C1orf21: variants seen among roughly 807,000 people sequenced by gnomAD.
C1orf21 encodes chromosome 1 open reading frame 21, also known as uncharacterized protein C1orf21.
C1orf21 carries 3 observed loss-of-function variants against 18.7 expected under a neutral mutation model. The observed-to-expected ratio is 0.16, with a 90% CI of 0.07 to 0.42. The LOEUF is 0.42. Ranked by LOEUF, C1orf21 falls within the 10% of genes least tolerant of loss-of-function variation. C1orf21 has a pLI of 0.99. For missense variants in C1orf21, 104 were observed against 143.6 expected, an observed-to-expected ratio of 0.72 and a Z score of 1.41; for synonymous variants, 41 against 46.4, an observed-to-expected ratio of 0.88 and a Z score of 0.47.
chr1:184,459,302 A>C (rs1657267094), intron 1 of C1orf21, among the ~76,000 whole-genome samples: 1 of 152,228 alleles, frequency 6.6e-6, no homozygotes, highest in South Asian at 2.1e-4. Flanking sequence ...GAGAGGGTGA[A>C]GGGTAAGTCG....
intron 3 of C1orf21, among the ~76,000 whole-genome samples, chr1:184,517,074 T>G (rs1447716088): frequency 6.6e-6 from 1 of 152,216 alleles, no homozygotes; most frequent in Non-Finnish European, 1.5e-5. Context: ...TGCAATTCCA[T>G]TCATTCACTG....
intron 4 of C1orf21, among the ~76,000 whole-genome samples, chr1:184,594,873 A>G (rs1659491857): frequency 6.6e-6 from 1 of 152,178 alleles, no homozygotes; most frequent in Non-Finnish European, 1.5e-5. Flanking sequence ...TATCATTTGC[A>G]GATTTTATTT....
intron 3 of C1orf21, chr1:184,566,667 AC>A (rs1659039669): frequency 2.5e-6 from 1 of 396,738 alleles, no homozygotes; most frequent in Non-Finnish European, 5.0e-6. Context: ...GGGAAATTTC[AC>A]CCATGTGGTA....
chr1:184,486,455 G>C (rs1657734236), intron 2 of C1orf21, among the ~76,000 whole-genome samples: 1 of 152,124 alleles, frequency 6.6e-6, no homozygotes, highest in Non-Finnish European at 1.5e-5. Context: ...AGTTAATAAG[G>C]AGAGCGTCCA....
chr1:184,420,665 G>A (rs777441787), intron 1 of C1orf21, among the ~76,000 whole-genome samples: 11 of 152,164 alleles, frequency 7.2e-5, no homozygotes, highest in Non-Finnish European at 1.2e-4. Context: ...TCCAAAAAAT[G>A]TTTTATTTGG....
At chr1:184,496,952 A>C (rs73063553) in intron 2 of C1orf21, among the ~76,000 whole-genome samples, 2,204 of 152,280 alleles carry the variant, frequency 0.014, 51 homozygotes, top group African/African-American at 0.051. Flanking sequence ...CTCTACGTTT[A>C]AATAGGTTAC....
intron 1 of C1orf21, among the ~76,000 whole-genome samples, chr1:184,467,987 G>T (rs571055042): frequency 0.013 from 2,002 of 149,076 alleles, 91 homozygotes; most frequent in South Asian, 0.043. Context: ...GAGCTTTTAT[G>T]GTGTGTGTGT....
chr1:184,423,859 GTCCA>G (rs3033528), intron 1 of C1orf21, among the ~76,000 whole-genome samples: 2,703 of 147,050 alleles, frequency 0.018, 55 homozygotes, highest in African/African-American at 0.042. Context: ...TCCACCCATC[GTCCA>G]TCCATCCATC....
At chr1:184,543,992 A>C (rs2101978634) in intron 3 of C1orf21, among the ~76,000 whole-genome samples, 1 of 152,302 alleles carries the variant, frequency 6.6e-6, no homozygotes, top group South Asian at 2.1e-4. Context: ...TTTGGAAAAC[A>C]CAGACATTTG....
intron 2 of C1orf21, among the ~76,000 whole-genome samples, chr1:184,495,657 C>A (rs920952736): frequency 6.6e-6 from 1 of 152,054 alleles, no homozygotes; most frequent in Non-Finnish European, 1.5e-5. Context: ...TGTGGTGGCT[C>A]ATGCGTGTAA....
chr1:184,463,536 G>C (rs1657340744), intron 1 of C1orf21, among the ~76,000 whole-genome samples: 1 of 151,934 alleles, frequency 6.6e-6, no homozygotes, highest in Non-Finnish European at 1.5e-5. Context: ...ACACACTTTT[G>C]CTTTCTAACC....
At chr1:184,550,988 T>A (rs1658804484) in intron 3 of C1orf21, among the ~76,000 whole-genome samples, 1 of 152,176 alleles carries the variant, frequency 6.6e-6, no homozygotes, top group Non-Finnish European at 1.5e-5. Flanking sequence ...AGGAAACATT[T>A]TAAAAGAGCA....
At chr1:184,578,712 A>T (rs545672263) in intron 3 of C1orf21, among the ~76,000 whole-genome samples, 1 of 152,200 alleles carries the variant, frequency 6.6e-6, no homozygotes, top group South Asian at 2.1e-4. Flanking sequence ...AGAAGAGGAG[A>T]CCTCTGTGAT....
chr1:184,606,335 A>C (rs1366870203), intron 5 of C1orf21, among the ~76,000 whole-genome samples: 1 of 152,154 alleles, frequency 6.6e-6, no homozygotes, highest in Non-Finnish European at 1.5e-5. Context: ...CAACACTTTG[A>C]GAGGCTGAGG....
rs905582473 is a variant in C1orf21 at position 184,411,485 on chromosome 1, A to G, written c.-125+24117A>G. On this transcript the variant is annotated intron_variant, in intron 1 of 5. Coordinates refer to ENST00000235307, the MANE Select transcript of C1orf21 (RefSeq NM_030806.4). ...CGCCCAGGCTGGAGTGCAGTGGTGCAATCTCGGCTCACTGCAAGCTCCGCC... is the reference window on the plus strand; with the variant it reads ...CGCCCAGGCTGGAGTGCAGTGGTGCGATCTCGGCTCACTGCAAGCTCCGCC... Among the ~76,000 whole-genome samples the G allele has an allele frequency of 1.1e-4, 15 of 141,572 alleles. No homozygotes were observed. The East Asian group carries it at 1.6e-3, about 16-fold the overall frequency. The allele number at this position is 141,572 out of a possible 152,430, so 92.9% of individuals were successfully genotyped here. A position where few individuals can be genotyped will look rare whatever the true frequency, so the allele number is the denominator to read the frequency against.
chr1:184,434,603 TG>T (rs1198510301), intron 1 of C1orf21, among the ~76,000 whole-genome samples: 1 of 151,982 alleles, frequency 6.6e-6, no homozygotes, highest in Non-Finnish European at 1.5e-5. Context: ...TGGGGTAGAG[TG>T]TGTGTGGCTC....
At position 184,623,632 on chromosome 1, in the gene C1orf21, T is replaced by C. The variant is rs1329436147; in HGVS notation, c.*4076T>C. 1.3e-5 allele frequency: 2 copies of C among 152,550 alleles called. No homozygotes were observed. The highest frequency in any genetic ancestry group is 2.9e-5 in the Non-Finnish European group (2 of 68,050). The allele number at this position is 152,550 out of a possible 1,614,324, so 9.4% of individuals were successfully genotyped here. A position where few individuals can be genotyped will look rare whatever the true frequency, so the allele number is the denominator to read the frequency against. The stretch of plus-strand genomic sequence containing the variant: ...GGACTCCAGTGTGCCTGTGAGGGGC[T>C]GGGTTAGGCAGTCGGCTGTCACACT... On this transcript the variant is annotated 3_prime_UTR_variant, in exon 6 of 6. Coordinates refer to ENST00000235307, the MANE Select transcript of C1orf21 (RefSeq NM_030806.4).
intron 3 of C1orf21, among the ~76,000 whole-genome samples, chr1:184,565,119 A>G (rs987882936): frequency 3.3e-5 from 5 of 152,238 alleles, no homozygotes; most frequent in African/African-American, 4.8e-5. Flanking sequence ...AGAACAAAAA[A>G]GTATTTCAGG....
chr1:184,510,599 A>G (rs1264860675), intron 3 of C1orf21, among the ~76,000 whole-genome samples: 2 of 152,192 alleles, frequency 1.3e-5, no homozygotes, highest in South Asian at 2.1e-4. Flanking sequence ...AACATAAGAT[A>G]TATTTAATAA....
Sources: allele counts gnomAD v4.1 joint callset (sites outside exome capture counted in the v4.1 genomes callset), GRCh38; gene constraint gnomAD v4.1.1; transcripts MANE v1.5; gene names NCBI Gene and HGNC (gene_info 2026-07-23, HGNC 2026-07-21).